The following SAG variants were observed in gnomAD, a reference collection of about 807,000 sequenced individuals.
The protein encoded by SAG is S-arrestin.
In SAG, 45 loss-of-function variants were observed where a neutral mutation model predicts 55.0. That is an observed-to-expected ratio of 0.82 (90% CI 0.64 to 1.05). The LOEUF (loss-of-function observed/expected upper bound fraction) is 1.05, where lower values mean the gene tolerates loss of function less well. Among genes scored for constraint, SAG ranks in the 50% least tolerant of loss-of-function variants. The pLI, the probability that SAG is intolerant of heterozygous loss-of-function variation, is 0.00. For synonymous variants in SAG, 189 were observed against 197.4 expected (o/e 0.96, Z 0.36); for missense variants, 455 against 512.1 (o/e 0.89, Z 1.08).
chr2:233,319,111 G>T lies in SAG; in HGVS notation c.181+316G>T. 3.8e-6 allele frequency: 2 copies of T among 519,878 alleles called. No homozygotes were observed. The highest frequency in any genetic ancestry group is 7.5e-6 in the Non-Finnish European group (2 of 268,000). The allele number at this position is 519,878 out of a possible 1,614,324, so 32.2% of individuals were successfully genotyped here. On this transcript the variant is annotated intron_variant, in intron 4 of 15. Coordinates refer to ENST00000409110, the MANE Select transcript of SAG (RefSeq NM_000541.5). This position sits in a 1 kb window ranked among gnomAD's most constrained non-coding sequence, Gnocchi z 4.4. ...CCCTGTTTCATGTACTTCTGTGCTA[G>T]GGGCAAACTCAGGAGGGTGCCTGGG...
At chr2:233,310,501 T>C (rs74270406) in intron 2 of SAG, among the ~76,000 whole-genome samples, 1,806 of 149,848 alleles carry the variant, frequency 0.012, 18 homozygotes, top group East Asian at 0.026. Context: ...TCGCCATCAT[T>C]CTGGCTTTTT....
At chr2:233,337,097 A>C (rs1274550413) in intron 11 of SAG, among the ~76,000 whole-genome samples, 1 of 50,316 alleles carries the variant, frequency 2.0e-5, no homozygotes, top group African/African-American at 5.2e-5. Flanking sequence ...CCCTGTCTCA[A>C]AAAAAAAAAA....
At chr2:233,335,759 C>T (rs116433097) in intron 11 of SAG, among the ~76,000 whole-genome samples, 2,929 of 152,330 alleles carry the variant, frequency 0.019, 96 homozygotes, top group African/African-American at 0.067. Flanking sequence ...GTGAAGTTCC[C>T]AAGTCAGCGT....
At chr2:233,320,420 A>T (rs752362083) in intron 4 of SAG, among the ~76,000 whole-genome samples, 5 of 152,240 alleles carry the variant, frequency 3.3e-5, no homozygotes, top group Non-Finnish European at 5.9e-5. Context: ...GGAAGATGCC[A>T]GGATCTCCCT....
In SAG at chr2:233,346,828, T is replaced by G; in HGVS notation, c.1134T>G (p.Val378=). 6.2e-7 allele frequency: 1 copy of G among 1,611,208 alleles called. No individual in the cohort carries two copies. The highest frequency in any genetic ancestry group is 8.5e-7 in the Non-Finnish European group (1 of 1,178,106). The change falls in exon 16 of 16, where the codon GTT becomes GTG. Residue 378 remains valine, a synonymous_variant. Coordinates refer to ENST00000409110, the MANE Select transcript of SAG (RefSeq NM_000541.5). Reference sequence around the variant, plus strand: ...TTAGTTATCAGGATGCAAATTTAGTTTTTGAGGAGTTTGCTCGCCATAATC... The same window carrying G: ...TTAGTTATCAGGATGCAAATTTAGTGTTTGAGGAGTTTGCTCGCCATAATC... ...AKESYQDANL[V]FEEFARHNLK...
In SAG at chr2:233,340,930, C is replaced by T. The variant is rs1701080711; in HGVS notation, c.1046+452C>T. Among the ~76,000 whole-genome samples the T allele has an allele frequency of 6.6e-6, 1 of 152,130 alleles. No individual in the cohort carries two copies. Among genetic ancestry groups the T allele is most frequent in the East Asian group, 1.9e-4 (1 of 5,198 alleles). ...CTGGGTTCAGGCAATCCTCCCGCCT[C>T]AGCCTCCTGAGTAGCTGAGATTACA... On this transcript the variant is annotated intron_variant, in intron 13 of 15. Transcript: ENST00000409110. The surrounding 1 kb of genome is among the most constrained non-coding windows in gnomAD (Gnocchi z 4.2).
Position 233,322,969 on chromosome 2 carries a change from A to G in SAG, c.399A>G (p.Ser133=). Residue 133 remains serine, a synonymous_variant, in exon 6 of 16, where the codon TCA becomes TCG. Coordinates refer to ENST00000409110, the MANE Select transcript of SAG (RefSeq NM_000541.5). The part of the protein sequence containing the change: ...LLTFPDYLPC[S]VMLQPAPQDS... ...AGTTTCCTGACTACTTGCCCTGTTC[A>G]GTGATGTTGCAGCCAGCTCCACAAG... 1 of 1,577,234 alleles carries G rather than the reference A, an allele frequency of 6.3e-7. No homozygotes were observed. The highest frequency in any genetic ancestry group is 8.6e-7 in the Non-Finnish European group (1 of 1,158,672).
chr2:233,331,229 A>G (rs973662668), intron 9 of SAG, among the ~76,000 whole-genome samples: 1 of 152,180 alleles, frequency 6.6e-6, no homozygotes. Flanking sequence ...TTGGCACCCA[A>G]ACAGCCTGGC....
intron 2 of SAG, among the ~76,000 whole-genome samples, chr2:233,314,133 G>T (rs1176029426): frequency 1.3e-5 from 2 of 151,424 alleles, no homozygotes; most frequent in African/African-American, 4.9e-5. Context: ...GAGGTGAGAG[G>T]ATCACTTGAT....
rs150423715 is a variant in SAG at position 233,337,568 on chromosome 2, C to T, written c.945-1108C>T. Among the ~76,000 whole-genome samples, 274 of 152,274 alleles carry T rather than the reference C, an allele frequency of 1.8e-3. 1 individual carries two copies. Among genetic ancestry groups the T allele is most frequent in the East Asian group, 1.5e-3 (8 of 5,166 alleles). On this transcript the variant is annotated intron_variant, in intron 11 of 15. Coordinates refer to ENST00000409110, the MANE Select transcript of SAG (RefSeq NM_000541.5). ...TGTCCTCTTTTAAATGAGCTCCAGA[C>T]GCCAGTGAGCTGAAGGAGCTCTCTG...
At chr2:233,337,866 T>C (rs981290676) in intron 11 of SAG, among the ~76,000 whole-genome samples, 2 of 152,248 alleles carry the variant, frequency 1.3e-5, no homozygotes, top group Non-Finnish European at 2.9e-5. Flanking sequence ...TCCTCCGCGT[T>C]GGATCCCACG....
At chr2:233,338,915 C>T (rs1701018184) in intron 12 of SAG, 162 bp downstream of exon 12, 1 of 717,416 alleles carries the variant, frequency 1.4e-6, no homozygotes, top group South Asian at 1.5e-5. Flanking sequence ...TTGTCTAGTA[C>T]CATGCTTCTG....
chr2:233,315,921 C>A (rs1322831002), intron 2 of SAG, among the ~76,000 whole-genome samples, 154 bp from the exon 3 acceptor site: 7 of 151,772 alleles, frequency 4.6e-5, no homozygotes, highest in Admixed American at 4.6e-4. Flanking sequence ...TGGCCAGGCT[C>A]AAACTCCTGA....
chr2:233,320,417 G>T (rs1384098915), intron 4 of SAG, among the ~76,000 whole-genome samples: 1 of 152,202 alleles, frequency 6.6e-6, no homozygotes, highest in African/African-American at 2.4e-5. Flanking sequence ...GGAGGAAGAT[G>T]CCAGGATCTC....
At chr2:233,330,808 C>T (rs543507915) in intron 9 of SAG, among the ~76,000 whole-genome samples, 3 of 152,160 alleles carry the variant, frequency 2.0e-5, no homozygotes, top group Admixed American at 2.0e-4. Context: ...CTGGGATTAC[C>T]GGTGTGAGCC....
chr2:233,332,595 T>G (rs1178145950), intron 10 of SAG: 2 of 151,940 alleles, frequency 1.3e-5, no homozygotes, highest in Non-Finnish European at 2.9e-5. Context: ...GTTCGAGCCA[T>G]TCTCCTGACT....
chr2:233,331,772 C>T (rs764573600), intron 10 of SAG, 60 bp downstream of exon 10: 154 of 1,221,108 alleles, frequency 1.3e-4, no homozygotes, highest in Non-Finnish European at 1.7e-4. Flanking sequence ...TCAAGTTTCT[C>T]GCCGTTTATT....
intron 7 of SAG, 35 bp from the exon 8 acceptor site, chr2:233,328,443 C>G: frequency 1.9e-6 from 3 of 1,602,542 alleles, no homozygotes; most frequent in Non-Finnish European, 2.6e-6. Context: ...GGCCTGGGTG[C>G]CAATCCCTGG....
intron 7 of SAG, 41 bp downstream of exon 7, chr2:233,327,238 G>A (rs774048658): frequency 1.2e-5 from 19 of 1,533,890 alleles, no homozygotes; most frequent in Non-Finnish European, 1.7e-5. Context: ...GTCTGCGGTG[G>A]GGGTGGAGAG....
Sources: allele counts gnomAD v4.1 joint callset (sites outside exome capture counted in the v4.1 genomes callset), GRCh38; gene constraint gnomAD v4.1.1; non-coding constraint Gnocchi (gnomAD v3.1); transcripts MANE v1.5; gene names NCBI Gene and HGNC (gene_info 2026-07-23, HGNC 2026-07-21).